The following ZNF438 variants were observed in gnomAD, a reference collection of about 807,000 sequenced individuals.
The protein encoded by ZNF438 is zinc finger protein 438.
A neutral mutation model predicts 38.0 loss-of-function variants in ZNF438; 25 were observed. The ratio of observed to expected loss-of-function variants is 0.66; its 90% CI spans 0.48 to 0.92. The LOEUF is 0.92. Ranked by LOEUF, ZNF438 falls within the 40% of genes least tolerant of loss-of-function variation. The pLI is 0.00. For synonymous variants in ZNF438, 372 were observed against 364.1 expected (o/e 1.02, Z -0.25); for missense variants, 1,007 against 999.6 (o/e 1.01, Z -0.10).
At chr10:31,030,663 G>A (rs2057228990) in intron 1 of ZNF438, among the ~76,000 whole-genome samples, 1 of 152,150 alleles carries the variant, frequency 6.6e-6, no homozygotes, top group East Asian at 1.9e-4. Flanking sequence ...TTCCTACCTG[G>A]ATGAAAAGAT....
At chr10:30,888,362 A>ACACACACACACACACACACACACACACAC (rs1564574714) in intron 3 of ZNF438, among the ~76,000 whole-genome samples, 4 of 36,518 alleles carry the variant, frequency 1.1e-4, no homozygotes, top group African/African-American at 3.0e-4. Flanking sequence ...CACACACACA[A>ACACACACACACACACACACACACACACAC]ACACACACAT....
intron 3 of ZNF438, 39 bp from the exon 5 acceptor site, chr10:30,877,104 T>G: frequency 1.5e-6 from 2 of 1,307,844 alleles, no homozygotes; most frequent in Non-Finnish European, 2.1e-6. Flanking sequence ...TAGAAAGTAA[T>G]TGAGAGAGCA....
At chr10:30,866,691 G>A (rs185217326) in intron 4 of ZNF438, among the ~76,000 whole-genome samples, 206 of 152,170 alleles carry the variant, frequency 1.4e-3, no homozygotes, top group Middle Eastern at 3.4e-3. Flanking sequence ...AAAATTAGCC[G>A]AGCGTGGTGA....
intron 1 of ZNF438, among the ~76,000 whole-genome samples, chr10:31,007,384 C>T (rs1024029574): frequency 1.8e-4 from 27 of 149,454 alleles, no homozygotes; most frequent in Non-Finnish European, 2.4e-4. Flanking sequence ...CAGGTTCAAG[C>T]GATTCTCCTG....
chr10:30,888,543 A>C (rs918947373), intron 3 of ZNF438, among the ~76,000 whole-genome samples: 2 of 151,966 alleles, frequency 1.3e-5, no homozygotes, highest in Admixed American at 1.3e-4. Context: ...CTCTACCCTC[A>C]AGTAGGCTCC....
At chr10:30,871,920 G>A (rs527690498) in intron 4 of ZNF438, among the ~76,000 whole-genome samples, 2 of 152,192 alleles carry the variant, frequency 1.3e-5, no homozygotes, top group South Asian at 2.1e-4. Context: ...TCTCCACCCC[G>A]ACTTCTTACT....
At chr10:30,851,943 G>C (rs1439703570) in intron 4 of ZNF438, among the ~76,000 whole-genome samples, 10 of 152,002 alleles carry the variant, frequency 6.6e-5, no homozygotes, top group African/African-American at 1.7e-4. Flanking sequence ...CGGATCACTT[G>C]AGGTCAGGAG....
chr10:30,882,612 T>C (rs1711501296), intron 3 of ZNF438, among the ~76,000 whole-genome samples: 1 of 152,198 alleles, frequency 6.6e-6, no homozygotes, highest in African/African-American at 2.4e-5. Context: ...ATGATTCTAC[T>C]TGCATAAGAT....
At chr10:31,012,136 T>C (rs1785000076) in intron 1 of ZNF438, among the ~76,000 whole-genome samples, 1 of 150,406 alleles carries the variant, frequency 6.6e-6, no homozygotes, top group African/African-American at 2.4e-5. Context: ...TTTCTTTTTT[T>C]TTTTGAGATG....
At chr10:31,022,506 C>T (rs1051949340) in intron 1 of ZNF438, among the ~76,000 whole-genome samples, 1 of 152,134 alleles carries the variant, frequency 6.6e-6, no homozygotes, top group Non-Finnish European at 1.5e-5. Context: ...GGTGATCCAC[C>T]CACCTCGGCC....
At chr10:30,937,954 T>C (rs1474735741) in intron 2 of ZNF438, among the ~76,000 whole-genome samples, 1 of 152,188 alleles carries the variant, frequency 6.6e-6, no homozygotes. Context: ...CCCATTCTTC[T>C]AATTCAAGGA....
chr10:30,955,921 AT>A (rs1201169443), intron 1 of ZNF438, among the ~76,000 whole-genome samples: 4 of 152,162 alleles, frequency 2.6e-5, no homozygotes, highest in Admixed American at 2.0e-4. Flanking sequence ...TGCAGAAGCA[AT>A]TTGCAAAGTT....
intron 4 of ZNF438, among the ~76,000 whole-genome samples, chr10:30,856,096 T>C (rs1181191198): frequency 2.0e-5 from 3 of 152,250 alleles, no homozygotes; most frequent in Non-Finnish European, 4.4e-5. Context: ...TATGCATAAA[T>C]GACTGTCTAG....
intron 1 of ZNF438, among the ~76,000 whole-genome samples, chr10:30,956,258 A>T (rs752143110): frequency 2.0e-5 from 3 of 152,244 alleles, no homozygotes; most frequent in Non-Finnish European, 4.4e-5. Flanking sequence ...ATAAGTGATG[A>T]AATATAAAAG....
chr10:31,028,539 C>A (rs1220227563), intron 1 of ZNF438, among the ~76,000 whole-genome samples: 2 of 152,202 alleles, frequency 1.3e-5, no homozygotes, highest in Non-Finnish European at 1.5e-5. Context: ...CTTAGGCATT[C>A]TTTTGCCCCT....
At chr10:30,981,407 A>G (rs1433212979) in intron 1 of ZNF438, among the ~76,000 whole-genome samples, 2 of 152,202 alleles carry the variant, frequency 1.3e-5, no homozygotes, top group Non-Finnish European at 2.9e-5. Context: ...TGCTTATATC[A>G]TGAACAAACA....
At chr10:30,987,668 ATC>A (rs59613762) in intron 1 of ZNF438, among the ~76,000 whole-genome samples, 1 of 151,304 alleles carries the variant, frequency 6.6e-6, no homozygotes, top group Non-Finnish European at 1.5e-5. Context: ...AAAGAAACAG[ATC>A]TCTCTCTCTC....
At chr10:30,981,097 G>A (rs1171287381) in intron 1 of ZNF438, among the ~76,000 whole-genome samples, 1 of 152,190 alleles carries the variant, frequency 6.6e-6, no homozygotes, top group Admixed American at 6.5e-5. Context: ...TTACCAGGAG[G>A]CACGTGGAGA....
At chr10:30,867,784 AG>A (rs1466503357) in intron 4 of ZNF438, among the ~76,000 whole-genome samples, 3 of 152,192 alleles carry the variant, frequency 2.0e-5, no homozygotes, top group African/African-American at 7.2e-5. Flanking sequence ...GCAGATCAAT[AG>A]GAGAGAGTTT....
Sources: gnomAD v4.1 joint callset for allele counts (sites outside exome capture counted in the v4.1 genomes callset) on GRCh38, gnomAD v4.1.1 for gene constraint, MANE v1.5 for transcripts, NCBI Gene and HGNC (gene_info 2026-07-23, HGNC 2026-07-21) for gene names.